Variants in PTPRT observed in about 807,000 individuals in gnomAD.
The protein encoded by PTPRT is receptor-type tyrosine-protein phosphatase T.
In PTPRT, 56 loss-of-function variants were observed where a neutral mutation model predicts 176.8. The ratio of observed to expected loss-of-function variants is 0.32; its 90% CI spans 0.26 to 0.40. The LOEUF (loss-of-function observed/expected upper bound fraction) is 0.40. Among genes scored for constraint, PTPRT ranks in the 10% least tolerant of loss-of-function variants. The pLI, the probability that PTPRT is intolerant of heterozygous loss-of-function variation, is 1.00. For missense variants in PTPRT, 1,540 were observed against 1,908.2 expected (o/e 0.81, Z 3.60); for synonymous variants, 783 against 739.0 (o/e 1.06, Z -0.96).
intron 6 of PTPRT, among the ~76,000 whole-genome samples, chr20:42,710,892 C>G (rs1204281008): frequency 1.3e-5 from 2 of 152,248 alleles, no homozygotes; most frequent in East Asian, 3.9e-4. Flanking sequence ...GCCTTGGGAG[C>G]CCACCCCTTG....
Position 43,015,329 on chromosome 20 carries a change from C to A in PTPRT, c.89-129397G>T, listed in dbSNP as rs552778553. Among the ~76,000 whole-genome samples, 8 of 152,316 alleles carry A rather than the reference C, an allele frequency of 5.3e-5. No individual in the cohort carries two copies. The South Asian group carries it at 1.7e-3, about 32-fold the overall frequency. On this transcript the variant is annotated intron_variant, in intron 1 of 30. Transcript: ENST00000373187. ...AATGAAGTGATAATTCCTATCTTTT[C>A]GGCCAAACTTACAAAACAGAACATA... is the stretch of plus-strand genomic sequence containing the variant.
At chr20:42,590,762 A>C (rs2073554677) in intron 7 of PTPRT, among the ~76,000 whole-genome samples, 1 of 152,196 alleles carries the variant, frequency 6.6e-6, no homozygotes, top group African/African-American at 2.4e-5. Context: ...AAATAGATAG[A>C]AAAAACTATG....
rs1451693204 is a variant in PTPRT at position 42,579,060 on chromosome 20, C to A, written c.1153+98806G>T. On this transcript the variant is annotated intron_variant, in intron 7 of 30. Coordinates refer to ENST00000373187, the MANE Select transcript of PTPRT (RefSeq NM_007050.6). Reference sequence around the variant, plus strand: ...TCTTTTAATGCTATCCCTCCCCCCTCCCCCCACCCCACAACAGGCCCTGGT... The same window carrying A: ...TCTTTTAATGCTATCCCTCCCCCCTACCCCCACCCCACAACAGGCCCTGGT... Among the ~76,000 whole-genome samples, 280 of 103,932 alleles carry A rather than the reference C, an allele frequency of 2.7e-3. 2 individuals are homozygous for A. Among genetic ancestry groups the A allele is most frequent in the African/African-American group, 0.01 (274 of 26,340 alleles). 68.2% of individuals were successfully genotyped at this position (103,932 alleles called of 152,430 possible).
intron 1 of PTPRT, among the ~76,000 whole-genome samples, chr20:43,072,877 G>C (rs2011199464): frequency 6.6e-6 from 1 of 152,170 alleles, no homozygotes; most frequent in African/African-American, 2.4e-5. Flanking sequence ...CTTAATTCTG[G>C]AATTTGTATC....
At chr20:42,335,470 T>C (rs2058027003) in intron 11 of PTPRT, among the ~76,000 whole-genome samples, 5 of 151,956 alleles carry the variant, frequency 3.3e-5, no homozygotes, top group African/African-American at 1.2e-4. Flanking sequence ...ACAGAGATAA[T>C]ACAGGAGTCA....
intron 11 of PTPRT, among the ~76,000 whole-genome samples, chr20:42,321,732 C>A (rs941073006): frequency 6.6e-6 from 1 of 152,140 alleles, no homozygotes; most frequent in Non-Finnish European, 1.5e-5. Flanking sequence ...TCATCTAATT[C>A]ATTGCTTCTA....
intron 12 of PTPRT, among the ~76,000 whole-genome samples, chr20:42,287,018 A>T (rs2057241302): frequency 6.6e-6 from 1 of 152,052 alleles, no homozygotes. Flanking sequence ...CATCAGGGAC[A>T]TGCCAATTAA....
chr20:42,150,624 G>A (rs959239820), intron 17 of PTPRT, among the ~76,000 whole-genome samples: 2 of 152,172 alleles, frequency 1.3e-5, no homozygotes, highest in African/African-American at 4.8e-5. Flanking sequence ...TGCGAGTCAG[G>A]GAAAAGGCAG....
chr20:42,286,975 A>C (rs2057240361), intron 12 of PTPRT, among the ~76,000 whole-genome samples: 1 of 152,044 alleles, frequency 6.6e-6, no homozygotes, highest in South Asian at 2.1e-4. Flanking sequence ...CAAATGGCCA[A>C]CAAATATATA....
At chr20:42,495,262 G>A (rs952131194) in intron 7 of PTPRT, among the ~76,000 whole-genome samples, 2 of 152,156 alleles carry the variant, frequency 1.3e-5, no homozygotes, top group Admixed American at 6.5e-5. Flanking sequence ...TGTTCAAGTT[G>A]TCTTAGGTCA....
intron 3 of PTPRT, among the ~76,000 whole-genome samples, chr20:42,786,392 C>G (rs1194849510): frequency 6.6e-6 from 1 of 152,204 alleles, no homozygotes; most frequent in Non-Finnish European, 1.5e-5. Flanking sequence ...CATTACACAA[C>G]TAGGAAGAAG....
chr20:43,084,072 G>A (rs2011538661), intron 1 of PTPRT, among the ~76,000 whole-genome samples: 1 of 152,146 alleles, frequency 6.6e-6, no homozygotes, highest in Non-Finnish European at 1.5e-5. Flanking sequence ...CCACTGTTGT[G>A]TACCTGTGTC....
intron 6 of PTPRT, among the ~76,000 whole-genome samples, chr20:42,746,628 A>G (rs1177867366): frequency 1.5e-5 from 1 of 67,760 alleles, no homozygotes; most frequent in Non-Finnish European, 2.5e-5. Flanking sequence ...CAGTCATGGG[A>G]AAAAAAATGA....
chr20:42,869,330 T>C (rs2078804484), intron 2 of PTPRT, among the ~76,000 whole-genome samples: 1 of 152,088 alleles, frequency 6.6e-6, no homozygotes, highest in Non-Finnish European at 1.5e-5. Flanking sequence ...GAGAGCTGCT[T>C]TGTGGGGCAC....
At chr20:42,789,685 A>AT (rs1390362362) in intron 3 of PTPRT, among the ~76,000 whole-genome samples, 1 of 152,200 alleles carries the variant, frequency 6.6e-6, no homozygotes, top group Non-Finnish European at 1.5e-5. Flanking sequence ...GAAATGCATC[A>AT]TGAAGAAAAA....
chr20:43,029,913 G>GT lies in PTPRT; in HGVS notation c.89-143982dup, dbSNP rs1424302407. ...ACCTATTTCCGAGATAGAGGCTGTTGTATCAGCCTAAGTACCAGATTAGAG... is the reference window on the plus strand; with the variant it reads ...ACCTATTTCCGAGATAGAGGCTGTTGTTATCAGCCTAAGTACCAGATTAGAG... On this transcript the variant is annotated intron_variant, in intron 1 of 30. Coordinates refer to ENST00000373187, the MANE Select transcript of PTPRT (RefSeq NM_007050.6). 2.0e-5 allele frequency among the ~76,000 whole-genome samples: 3 copies of GT among 152,320 alleles called. No homozygotes were observed. In the East Asian group the frequency reaches 5.8e-4, roughly 29 times the overall value.
At chr20:42,143,354 G>C (rs1988714216) in intron 17 of PTPRT, among the ~76,000 whole-genome samples, 1 of 152,050 alleles carries the variant, frequency 6.6e-6, no homozygotes, top group African/African-American at 2.4e-5. Flanking sequence ...AGGAGATCAA[G>C]ACCATCCTGG....
At chr20:42,201,467 C>T (rs914962776) in intron 15 of PTPRT, among the ~76,000 whole-genome samples, 3 of 152,064 alleles carry the variant, frequency 2.0e-5, no homozygotes, top group Admixed American at 1.3e-4. Context: ...AGAGGGCATA[C>T]TCAAATGAGG....
the PTPRT span, among the ~76,000 whole-genome samples, chr20:42,036,826 A>T: frequency 6.6e-6 from 1 of 152,168 alleles, no homozygotes; most frequent in African/African-American, 2.4e-5. Flanking sequence ...ACAAACCTAT[A>T]CCTCCAGGCA....
Sources: allele counts gnomAD v4.1 joint callset (sites outside exome capture counted in the v4.1 genomes callset), GRCh38; gene constraint gnomAD v4.1.1; transcripts MANE v1.5; gene names NCBI Gene and HGNC (gene_info 2026-07-23, HGNC 2026-07-21).